PCDHAC2: variants seen among roughly 807,000 people sequenced by gnomAD.
The protein encoded by PCDHAC2 is protocadherin alpha subfamily C, 2, also known as protocadherin alpha-C2.
In PCDHAC2, 24 loss-of-function variants were observed where a neutral mutation model predicts 63.3. The observed-to-expected ratio is 0.38, with a 90% CI of 0.27 to 0.53. The LOEUF is 0.53. PCDHAC2 is among the 20% of genes least tolerant of loss of function. PCDHAC2 has a pLI of 0.81. For synonymous variants in PCDHAC2, 569 were observed against 529.4 expected, an observed-to-expected ratio of 1.07 and a Z score of -1.03; for missense variants, 1,181 against 1,275.2, an observed-to-expected ratio of 0.93 and a Z score of 1.12.
intron 3 of PCDHAC2, among the ~76,000 whole-genome samples, chr5:141,000,361 G>GTCTCTC (rs148596731): frequency 3.0e-3 from 79 of 26,442 alleles, no homozygotes; most frequent in East Asian, 6.3e-3. Flanking sequence ...GTCTCTCTCT[G>GTCTCTC]TCTCTCTCTC....
At chr5:141,004,348 C>A (rs1554259549) in intron 3 of PCDHAC2, among the ~76,000 whole-genome samples, 1 of 152,216 alleles carries the variant, frequency 6.6e-6, no homozygotes, top group Non-Finnish European at 1.5e-5. Context: ...CTGTGAGGGA[C>A]TGGAGAGACC....
chr5:140,995,674 A>G (rs1205485736), intron 3 of PCDHAC2, among the ~76,000 whole-genome samples: 2 of 151,994 alleles, frequency 1.3e-5, no homozygotes, highest in East Asian at 3.9e-4. Flanking sequence ...TAAATGCAGC[A>G]TTTTTTTTAA....
At chr5:141,009,217 G>T (rs1554262066) in intron 3 of PCDHAC2, among the ~76,000 whole-genome samples, 1 of 152,234 alleles carries the variant, frequency 6.6e-6, no homozygotes, top group African/African-American at 2.4e-5. Flanking sequence ...CACTTTGGGA[G>T]GCCAAGGTGG....
intron 1 of PCDHAC2, chr5:140,969,611 A>G: frequency 1.4e-6 from 1 of 723,476 alleles, no homozygotes; most frequent in Non-Finnish European, 2.2e-6. Flanking sequence ...TAAAACACAG[A>G]TTTGTAGAGA....
chr5:140,991,317 T>C (rs2097444971), intron 3 of PCDHAC2, among the ~76,000 whole-genome samples: 1 of 152,208 alleles, frequency 6.6e-6, no homozygotes, highest in Admixed American at 6.5e-5. Flanking sequence ...TCCCGCATGA[T>C]ACATGAAGGG....
At chr5:140,999,244 G>A (rs1554256717) in intron 3 of PCDHAC2, among the ~76,000 whole-genome samples, 1 of 152,210 alleles carries the variant, frequency 6.6e-6, no homozygotes, top group African/African-American at 2.4e-5. Flanking sequence ...GTTAAAGTGG[G>A]AGTTGGATTA....
rs114294981 is a variant in PCDHAC2, at chr5:140,997,261, C to T, written c.2714-12366C>T. On this transcript the variant is annotated intron_variant, in intron 3 of 3. Transcript: ENST00000289269. ...CATGTTTACTTTAGGGTTCACTCTT[C>T]CAAATATTTCTTGCATCACTTAACA... Among the ~76,000 whole-genome samples, 265 of 152,266 alleles carry T rather than the reference C, an allele frequency of 1.7e-3. 1 individual carries two copies. The highest frequency in any genetic ancestry group is 6.2e-3 in the African/African-American group (257 of 41,540).
At chr5:141,007,395 C>CAAAA (rs35800918) in intron 3 of PCDHAC2, among the ~76,000 whole-genome samples, 7 of 94,852 alleles carry the variant, frequency 7.4e-5, no homozygotes, top group East Asian at 2.9e-4. Context: ...TACTAAAATA[C>CAAAA]AAAAAAAAAA....
At chr5:141,002,503 A>G (rs924059580) in intron 3 of PCDHAC2, among the ~76,000 whole-genome samples, 1 of 152,226 alleles carries the variant, frequency 6.6e-6, no homozygotes, top group African/African-American at 2.4e-5. Flanking sequence ...ACAGCTCAGG[A>G]TCTGAGTCTC....
At chr5:140,982,688 A>ATACATACATGATTTCCT in intron 3 of PCDHAC2, 125 bp downstream of exon 3, 1 of 1,415,764 alleles carries the variant, frequency 7.1e-7, no homozygotes, top group Non-Finnish European at 9.3e-7. Flanking sequence ...CCTTTTTTCC[A>ATACATACATGATTTCCT]TACATACATG....
Position 140,967,008 on chromosome 5 carries a change from A to C in PCDHAC2, c.242A>C (p.His81Pro). The C allele has an allele frequency of 6.2e-7, 1 of 1,606,216 alleles. No individual in the cohort carries two copies. ...GGGCCGGGTTGCTTGCGCATCAACC[A>C]TCTGGGTGCGCCCAGTCCGCGCTAC... is the stretch of plus-strand genomic sequence containing the variant. ...RLGPGCLRIN[H>P]LGAPSPRYLE... Residue 81 changes from histidine to proline, a missense_variant, in exon 1 of 4, where the codon CAT (histidine) becomes CCT (proline). Transcript: ENST00000289269.
intron 3 of PCDHAC2, among the ~76,000 whole-genome samples, chr5:140,996,093 A>G (rs2097711389): frequency 6.6e-6 from 1 of 152,210 alleles, no homozygotes; most frequent in South Asian, 2.1e-4. Flanking sequence ...GCTAGATTAC[A>G]TGGAATGGTA....
chr5:140,973,606 G>T (rs1554235444), intron 1 of PCDHAC2, among the ~76,000 whole-genome samples: 1 of 152,204 alleles, frequency 6.6e-6, no homozygotes, highest in African/African-American at 2.4e-5. Flanking sequence ...TTATGGCTGA[G>T]CTCTTCTCTG....
At chr5:140,972,612 C>T (rs1554234244) in intron 1 of PCDHAC2, among the ~76,000 whole-genome samples, 2 of 151,080 alleles carry the variant, frequency 1.3e-5, no homozygotes, top group African/African-American at 4.9e-5. Context: ...GAACTTGATA[C>T]TGAATGTTGT....
intron 3 of PCDHAC2, among the ~76,000 whole-genome samples, chr5:140,998,172 T>C (rs1438782798): frequency 6.6e-6 from 1 of 152,184 alleles, no homozygotes; most frequent in Admixed American, 6.5e-5. Flanking sequence ...CCAAGTATTA[T>C]TCTAAGCACT....
intron 2 of PCDHAC2, among the ~76,000 whole-genome samples, chr5:140,980,141 T>C (rs1241352797): frequency 1.3e-5 from 2 of 152,164 alleles, no homozygotes; most frequent in Non-Finnish European, 2.9e-5. Context: ...CCAGAAACAT[T>C]CATGCATATA....
chr5:140,967,150 C>G lies in PCDHAC2; in HGVS notation c.384C>G (p.Pro128=), dbSNP rs1400431511. The change falls in exon 1 of 4, where the codon CCC becomes CCG. Residue 128 remains proline (P), a synonymous_variant. Transcript: ENST00000289269. ...GCTTGGAAGTGCTGGCGCACAACCC[C>G]GTGGCGGTGAGCGCCGTTGAGGTGG... ...LLSLEVLAHN[P]VAVSAVEVEI... 6.2e-7 allele frequency: 1 copy of G among 1,610,886 alleles called. No homozygotes were observed. The highest frequency in any genetic ancestry group is 1.3e-5 in the African/African-American group (1 of 74,910).
In PCDHAC2 at chr5:140,967,979, G is replaced by A. The variant is rs1405177525; in HGVS notation, c.1213G>A (p.Glu405Lys). The A allele has an allele frequency of 1.2e-6, 2 of 1,614,100 alleles. No individual in the cohort carries two copies. The highest frequency in any genetic ancestry group is 1.3e-5 in the African/African-American group (1 of 74,932). ...GPNRKVSLGL[E>K]ATLPFRLNGF... ...CAACCGGAAAGTGAGCCTGGGTCTGGAGGCCACACTGCCTTTCCGACTGAA... is the reference window on the plus strand; with the variant it reads ...CAACCGGAAAGTGAGCCTGGGTCTGAAGGCCACACTGCCTTTCCGACTGAA... The change falls in exon 1 of 4, where the codon GAG becomes AAG. Residue 405 changes from glutamate to lysine, a missense_variant. Physicochemically the swap from Glu to Lys is moderately conservative, Grantham distance 56. This residue lies in a region of PCDHAC2 where 968 missense variants were observed against 1,073.5 expected (regional missense o/e 0.90). Coordinates refer to ENST00000289269, the MANE Select transcript of PCDHAC2 (RefSeq NM_018899.6).
chr5:140,999,409 T>C (rs1554256782), intron 3 of PCDHAC2, among the ~76,000 whole-genome samples: 1 of 152,186 alleles, frequency 6.6e-6, no homozygotes, highest in African/African-American at 2.4e-5. Flanking sequence ...TATGAAAGAA[T>C]GGGAGCTAAG....
Sources: allele counts gnomAD v4.1 joint callset (sites outside exome capture counted in the v4.1 genomes callset), GRCh38; gene constraint gnomAD v4.1.1; regional missense constraint gnomAD v4.1.1; transcripts MANE v1.5; gene names NCBI Gene and HGNC (gene_info 2026-07-23, HGNC 2026-07-21).